Variants in SPCS2 observed in about 807,000 individuals in gnomAD.
SPCS2 encodes the protein SPase 25 kDa subunit.
SPCS2 carries 3 observed loss-of-function variants against 22.3 expected under a neutral mutation model. That is an observed-to-expected ratio of 0.13 (90% confidence interval 0.06 to 0.35). The LOEUF is 0.35. SPCS2 is among the 10% of genes least tolerant of loss of function. The pLI, the probability that SPCS2 is intolerant of heterozygous loss-of-function variation, is 1.00. For synonymous variants in SPCS2, 67 were observed against 97.2 expected, an observed-to-expected ratio of 0.69 and a Z score of 1.83; for missense variants, 169 against 280.9, an observed-to-expected ratio of 0.60 and a Z score of 2.85.
chr11:74,959,529 A>G (rs2140215929), intron 1 of SPCS2, among the ~76,000 whole-genome samples: 1 of 152,214 alleles, frequency 6.6e-6, no homozygotes, highest in Non-Finnish European at 1.5e-5. Flanking sequence ...AGTAGCTGGG[A>G]CTTTAGGTGG....
intron 1 of SPCS2, 59 bp downstream of exon 1, chr11:74,949,458 C>G: frequency 2.1e-6 from 3 of 1,434,678 alleles, no homozygotes; most frequent in Non-Finnish European, 2.9e-6. Flanking sequence ...GGCGGCGAGC[C>G]AACCTTCCCA....
At chr11:74,951,881 T>A (rs978213776) in intron 1 of SPCS2, among the ~76,000 whole-genome samples, 2 of 150,128 alleles carry the variant, frequency 1.3e-5, no homozygotes, top group Non-Finnish European at 3.0e-5. Flanking sequence ...ACTGGCACCT[T>A]ATTTGGGGGG....
Position 74,969,629 on chromosome 11 carries a change from G to C in SPCS2, c.424G>C (p.Val142Leu), listed in dbSNP as rs759670859. ...ATATAAGGAGAAGAGCATCTTTCTC[G>C]TGGCCCACAGGAAAGATCCTACAGG... is the stretch of plus-strand genomic sequence containing the variant. Reference protein sequence around the residue: ...TSYKEKSIFLVAHRKDPTGMD... With the variant: ...TSYKEKSIFLLAHRKDPTGMD... The change falls in exon 4 of 5, where the codon GTG (valine) becomes CTG (leucine). Residue 142 changes from valine to leucine, a missense_variant. By Grantham distance (32) the Val-to-Leu change is conservative (BLOSUM62 1). Around this residue, in one of 2 missense-constraint regions of SPCS2, gnomAD observed 118 missense variants for 243.1 expected, o/e 0.49. Transcript: ENST00000263672. 6.2e-7 allele frequency: 1 copy of C among 1,613,416 alleles called. No homozygotes were observed. The highest frequency in any genetic ancestry group is 1.1e-5 in the South Asian group (1 of 91,066).
intron 4 of SPCS2, among the ~76,000 whole-genome samples, chr11:74,971,590 C>T (rs1181344386): frequency 6.6e-6 from 1 of 152,150 alleles, no homozygotes; most frequent in Non-Finnish European, 1.5e-5. Flanking sequence ...TCTCCCTCCC[C>T]CACCTCACCG....
At chr11:74,954,319 C>T (rs972352443) in intron 1 of SPCS2, among the ~76,000 whole-genome samples, 1 of 152,256 alleles carries the variant, frequency 6.6e-6, no homozygotes, top group Non-Finnish European at 1.5e-5. Context: ...ATTAGTAACA[C>T]TTACAGAACC....
At chr11:74,975,249 C>T (rs182714111) in intron 4 of SPCS2, among the ~76,000 whole-genome samples, 1 of 152,164 alleles carries the variant, frequency 6.6e-6, no homozygotes, top group East Asian at 1.9e-4. Flanking sequence ...TTCCTTTTTC[C>T]TGGAACATTC....
At chr11:74,950,704 T>C (rs1948412004) in intron 1 of SPCS2, among the ~76,000 whole-genome samples, 1 of 152,126 alleles carries the variant, frequency 6.6e-6, no homozygotes, top group African/African-American at 2.4e-5. Flanking sequence ...GCCTGACTAA[T>C]TTTTTTGCTT....
intron 1 of SPCS2, among the ~76,000 whole-genome samples, chr11:74,950,328 C>A (rs1948381042): frequency 6.6e-6 from 1 of 152,160 alleles, no homozygotes; most frequent in African/African-American, 2.4e-5. Context: ...CCTTCCAGTT[C>A]TCTCATTGTA....
chr11:74,959,141 G>T (rs901824214), intron 1 of SPCS2, among the ~76,000 whole-genome samples: 2 of 152,112 alleles, frequency 1.3e-5, no homozygotes, highest in Non-Finnish European at 1.5e-5. Context: ...GCTCAGTTCT[G>T]TCTAAATCAG....
Position 74,977,009 on chromosome 11 carries a change from A to G in SPCS2, c.647A>G (p.His216Arg). The G allele has an allele frequency of 5.1e-6, 8 of 1,553,624 alleles. No individual in the cohort carries two copies. Among genetic ancestry groups the G allele is most frequent in the Non-Finnish European group, 7.0e-6 (8 of 1,143,732 alleles). Residue 216 changes from histidine to arginine, a missense_variant, in exon 5 of 5, where the codon CAT becomes CGT. By Grantham distance (29) the His-to-Arg change is conservative (BLOSUM62 0). Transcript: ENST00000263672. ...DAYEPEISRL[H>R]DSLAIERKIK The stretch of plus-strand genomic sequence containing the variant: ...TATGAGCCTGAAATATCCAGGCTCC[A>G]TGACAGTCTTGCCATAGAAAGAAAA...
intron 4 of SPCS2, 35 bp from the exon 5 acceptor site, chr11:74,976,822 G>C: frequency 6.2e-7 from 1 of 1,612,508 alleles, no homozygotes; most frequent in Non-Finnish European, 8.5e-7. Context: ...CTCTGTGTTT[G>C]GTTTTTAATT....
At chr11:74,954,370 A>G (rs951491718) in intron 1 of SPCS2, among the ~76,000 whole-genome samples, 1 of 152,208 alleles carries the variant, frequency 6.6e-6, no homozygotes, top group Non-Finnish European at 1.5e-5. Context: ...TTCTTTACTC[A>G]GCACATTGCT....
chr11:74,962,942 C>T (rs933520605), intron 1 of SPCS2, among the ~76,000 whole-genome samples: 1 of 152,196 alleles, frequency 6.6e-6, no homozygotes, highest in Non-Finnish European at 1.5e-5. Flanking sequence ...TATCCTCTGA[C>T]TTTTAAAGGC....
intron 4 of SPCS2, among the ~76,000 whole-genome samples, chr11:74,971,372 A>G (rs1948582994): frequency 6.6e-6 from 1 of 152,206 alleles, no homozygotes; most frequent in African/African-American, 2.4e-5. Context: ...TACACCTGGG[A>G]GAAGACTTGT....
intron 1 of SPCS2, among the ~76,000 whole-genome samples, chr11:74,961,121 A>C (rs1172359292): frequency 6.6e-6 from 1 of 151,986 alleles, no homozygotes; most frequent in Non-Finnish European, 1.5e-5. Context: ...CCAGTGAGGG[A>C]GACAATACAT....
At chr11:74,971,179 G>A (rs538706561) in intron 4 of SPCS2, among the ~76,000 whole-genome samples, 9 of 152,272 alleles carry the variant, frequency 5.9e-5, no homozygotes, top group East Asian at 5.8e-4. Context: ...CACAAGGTTC[G>A]TTCATGTTGT....
At chr11:74,965,976 G>A (rs1948542964) in intron 3 of SPCS2, 53 bp downstream of exon 3, 2 of 1,516,822 alleles carry the variant, frequency 1.3e-6, no homozygotes, top group Non-Finnish European at 1.8e-6. Context: ...TTTTAAATCT[G>A]CTGATATTTC....
chr11:74,968,816 C>T (rs111306834), intron 3 of SPCS2, among the ~76,000 whole-genome samples: 1,713 of 152,054 alleles, frequency 0.011, 35 homozygotes, highest in African/African-American at 0.037. Flanking sequence ...TGAGCCACCA[C>T]GCCTAGCCTT....
chr11:74,973,532 A>T (rs1301628324), intron 4 of SPCS2, among the ~76,000 whole-genome samples: 23 of 152,196 alleles, frequency 1.5e-4, no homozygotes, highest in Admixed American at 1.5e-3. Flanking sequence ...AGTTTTAAGT[A>T]TCCCACCCTG....
Sources: gnomAD v4.1 joint callset for allele counts (sites outside exome capture counted in the v4.1 genomes callset) on GRCh38, gnomAD v4.1.1 for gene constraint, gnomAD v4.1.1 regional missense constraint, MANE v1.5 for transcripts, NCBI Gene and HGNC (gene_info 2026-07-23, HGNC 2026-07-21) for gene names.